NRXN3: variants seen among roughly 807,000 people sequenced by gnomAD.
NRXN3 encodes the protein neurexin 3.
A neutral mutation model predicts 137.6 loss-of-function variants in NRXN3; 32 were observed. The observed-to-expected ratio is 0.23, with a 90% CI of 0.18 to 0.31. NRXN3 has a LOEUF of 0.31. NRXN3 is among the 10% of genes least tolerant of loss of function. The probability of loss-of-function intolerance (pLI) is 1.00; values close to 1 mark genes in which losing one functional copy is unlikely to be tolerated. For synonymous variants in NRXN3, 798 were observed against 784.5 expected (o/e 1.02, Z -0.29); for missense variants, 1,574 against 2,062.5 (o/e 0.76, Z 4.59).
chr14:79,376,705 A>G (rs991428376), intron 15 of NRXN3, among the ~76,000 whole-genome samples: 1 of 152,170 alleles, frequency 6.6e-6, no homozygotes, highest in Non-Finnish European at 1.5e-5. Context: ...TGACCCATGT[A>G]TTAGATAAAA....
chr14:79,262,435 G>A (rs1045129619), intron 15 of NRXN3, among the ~76,000 whole-genome samples: 1 of 150,610 alleles, frequency 6.6e-6, no homozygotes, highest in African/African-American at 2.4e-5. Context: ...GAAGAGGAAG[G>A]AGGAGGAGAA....
At chr14:79,108,116 A>G (rs1189203616) in intron 15 of NRXN3, among the ~76,000 whole-genome samples, 1 of 152,192 alleles carries the variant, frequency 6.6e-6, no homozygotes, top group East Asian at 1.9e-4. Context: ...AAGTGTGTAT[A>G]TGTATATTAA....
At chr14:78,934,890 A>G (rs1049821293) in intron 10 of NRXN3, among the ~76,000 whole-genome samples, 1 of 152,040 alleles carries the variant, frequency 6.6e-6, no homozygotes, top group African/African-American at 2.4e-5. Flanking sequence ...CAGCACACCA[A>G]CATGGCACAT....
At chr14:79,345,757 A>G (rs1157628814) in intron 15 of NRXN3, among the ~76,000 whole-genome samples, 1 of 151,976 alleles carries the variant, frequency 6.6e-6, no homozygotes, top group Non-Finnish European at 1.5e-5. Flanking sequence ...TCACCTTATG[A>G]TACCCCCCTT....
chr14:78,867,990 T>A (rs969820531), intron 10 of NRXN3, among the ~76,000 whole-genome samples: 10 of 148,380 alleles, frequency 6.7e-5, no homozygotes, highest in African/African-American at 1.7e-4. Flanking sequence ...CAAAAATGAT[T>A]GTAATTTTAA....
intron 16 of NRXN3, among the ~76,000 whole-genome samples, chr14:79,616,171 T>C (rs768120764): frequency 6.6e-6 from 1 of 152,132 alleles, no homozygotes; most frequent in African/African-American, 2.4e-5. Flanking sequence ...AACAGAAGGA[T>C]TGATTAGAAG....
intron 10 of NRXN3, among the ~76,000 whole-genome samples, chr14:78,913,149 T>A (rs2099244017): frequency 6.6e-6 from 1 of 151,986 alleles, no homozygotes; most frequent in Admixed American, 6.6e-5. Context: ...GGTCGGAAAG[T>A]AAGCACAAAA....
chr14:79,015,749 T>C (rs1200413037), intron 15 of NRXN3, among the ~76,000 whole-genome samples: 2 of 152,162 alleles, frequency 1.3e-5, no homozygotes, highest in East Asian at 3.9e-4. Flanking sequence ...CATTGTCTGG[T>C]GATGTGGGCT....
chr14:79,164,074 G>T (rs531405480), intron 15 of NRXN3, among the ~76,000 whole-genome samples: 2 of 151,916 alleles, frequency 1.3e-5, no homozygotes, highest in East Asian at 3.9e-4. Flanking sequence ...TTACCAATTT[G>T]TTTCTCATCT....
chr14:78,642,377 A>T (rs540854668), intron 4 of NRXN3, among the ~76,000 whole-genome samples: 3 of 152,216 alleles, frequency 2.0e-5, no homozygotes, highest in Non-Finnish European at 2.9e-5. Flanking sequence ...CTCTAATTAT[A>T]TAAAAAATAT....
intron 1 of NRXN3, among the ~76,000 whole-genome samples, chr14:78,183,594 T>A (rs1030699919): frequency 6.6e-6 from 1 of 152,206 alleles, no homozygotes; most frequent in Non-Finnish European, 1.5e-5. Flanking sequence ...TTCTTTCATA[T>A]CCATTCCCAG....
At chr14:79,610,583 T>C (rs2098086529) in intron 16 of NRXN3, among the ~76,000 whole-genome samples, 1 of 152,238 alleles carries the variant, frequency 6.6e-6, no homozygotes, top group African/African-American at 2.4e-5. Context: ...CTCATGTTCC[T>C]GGTATCTCCT....
intron 15 of NRXN3, among the ~76,000 whole-genome samples, chr14:79,399,294 T>C (rs1332503146): frequency 6.6e-6 from 1 of 152,204 alleles, no homozygotes; most frequent in African/African-American, 2.4e-5. Flanking sequence ...CAGTACACTT[T>C]TATTGCTGAC....
intron 4 of NRXN3, among the ~76,000 whole-genome samples, chr14:78,419,558 A>T (rs1455603498): frequency 3.9e-5 from 6 of 152,100 alleles, no homozygotes; most frequent in African/African-American, 1.2e-4. Context: ...CCATCCATCC[A>T]GATCTCCCTC....
At chr14:79,121,776 C>T (rs575542260) in intron 15 of NRXN3, among the ~76,000 whole-genome samples, 1 of 152,322 alleles carries the variant, frequency 6.6e-6, no homozygotes, top group South Asian at 2.1e-4. Context: ...AAAACATACA[C>T]TTCGTGCAAA....
At chr14:78,656,089 CACAA>C (rs2097782695) in intron 6 of NRXN3, among the ~76,000 whole-genome samples, 1 of 152,114 alleles carries the variant, frequency 6.6e-6, no homozygotes, top group Non-Finnish European at 1.5e-5. Context: ...CTTTGGAGAA[CACAA>C]ACATTCAGTG....
chr14:79,261,068 C>T (rs1383397922), intron 15 of NRXN3, among the ~76,000 whole-genome samples: 1 of 152,034 alleles, frequency 6.6e-6, no homozygotes, highest in Non-Finnish European at 1.5e-5. Context: ...GGGGCTCCAG[C>T]TGGAAAAGGA....
At chr14:78,548,648 C>T (rs1317696368) in intron 4 of NRXN3, among the ~76,000 whole-genome samples, 1 of 152,238 alleles carries the variant, frequency 6.6e-6, no homozygotes, top group Non-Finnish European at 1.5e-5. Context: ...CTGTTCTACA[C>T]TGCATCCCAA....
intron 1 of NRXN3, among the ~76,000 whole-genome samples, chr14:78,195,197 C>A (rs889408434): frequency 5.3e-5 from 8 of 152,050 alleles, no homozygotes; most frequent in Admixed American, 3.9e-4. Context: ...AAAAATTAAC[C>A]CGAAGAGGCC....
Sources: gnomAD v4.1 joint callset for allele counts (sites outside exome capture counted in the v4.1 genomes callset) on GRCh38, gnomAD v4.1.1 for gene constraint, MANE v1.5 for transcripts, NCBI Gene and HGNC (gene_info 2026-07-23, HGNC 2026-07-21) for gene names.